UBE2G1: variants seen among roughly 807,000 people sequenced by gnomAD.
The protein encoded by UBE2G1 is ubiquitin conjugating enzyme E2 G1, also known as ubiquitin-conjugating enzyme E2 G1.
A neutral mutation model predicts 22.7 loss-of-function variants in UBE2G1; 5 were observed. The observed-to-expected ratio is 0.22, with a 90% CI of 0.12 to 0.46. The LOEUF is 0.46. Among genes scored for constraint, UBE2G1 ranks in the 20% least tolerant of loss-of-function variants. The pLI is 0.99. For missense variants in UBE2G1, 88 were observed against 203.9 expected (o/e 0.43, Z 3.46); for synonymous variants, 74 against 67.5 (o/e 1.10, Z -0.47).
intron 1 of UBE2G1, among the ~76,000 whole-genome samples, chr17:4,317,211 G>A (rs113805949): frequency 0.038 from 5,832 of 152,164 alleles, 414 homozygotes; most frequent in African/African-American, 0.13. Flanking sequence ...TTAGCCAGGC[G>A]TGGTAGCGGG....
chr17:4,312,388 TAAC>T (rs1969319959), intron 1 of UBE2G1, among the ~76,000 whole-genome samples: 1 of 151,688 alleles, frequency 6.6e-6, no homozygotes, highest in Non-Finnish European at 1.5e-5. Flanking sequence ...TAGAAAATAT[TAAC>T]AACTGAGAAA....
intron 2 of UBE2G1, among the ~76,000 whole-genome samples, chr17:4,299,002 C>A (rs1309126149): frequency 6.6e-6 from 1 of 151,952 alleles, no homozygotes; most frequent in Non-Finnish European, 1.5e-5. Flanking sequence ...TAAGTTAGTG[C>A]CAAAATGGGT....
At chr17:4,334,191 T>C (rs1969617443) in intron 1 of UBE2G1, among the ~76,000 whole-genome samples, 1 of 151,604 alleles carries the variant, frequency 6.6e-6, no homozygotes, top group East Asian at 1.9e-4. Context: ...CCTTCTAAAG[T>C]GCTGGGATTA....
chr17:4,337,956 G>C (rs1228112764), intron 1 of UBE2G1, among the ~76,000 whole-genome samples: 1 of 151,988 alleles, frequency 6.6e-6, no homozygotes, highest in African/African-American at 2.4e-5. Flanking sequence ...GGATCACGAG[G>C]TCAGGAGATC....
At chr17:4,353,486 T>C (rs1013919055) in intron 1 of UBE2G1, among the ~76,000 whole-genome samples, 97 of 146,424 alleles carry the variant, frequency 6.6e-4, no homozygotes, top group Non-Finnish European at 1.1e-3. Context: ...CACACACACA[T>C]ATAATGTCAC....
intron 1 of UBE2G1, among the ~76,000 whole-genome samples, chr17:4,325,398 ACT>A (rs1422477677): frequency 2.0e-5 from 3 of 152,176 alleles, no homozygotes; most frequent in Non-Finnish European, 4.4e-5. Flanking sequence ...TTTTTAAATA[ACT>A]CTTAAAATTG....
intron 1 of UBE2G1, among the ~76,000 whole-genome samples, chr17:4,359,900 T>C (rs1165182174): frequency 1.3e-5 from 2 of 151,878 alleles, no homozygotes; most frequent in African/African-American, 4.8e-5. Context: ...TAACTCAAAT[T>C]AGCCCAATAC....
chr17:4,361,409 C>A (rs145396505), intron 1 of UBE2G1, among the ~76,000 whole-genome samples: 309 of 152,080 alleles, frequency 2.0e-3, no homozygotes, highest in African/African-American at 7.0e-3. Context: ...CACCTGTAAG[C>A]CCAGCTACTA....
chr17:4,312,499 A>G (rs1171081446), intron 1 of UBE2G1, among the ~76,000 whole-genome samples: 1 of 152,082 alleles, frequency 6.6e-6, no homozygotes, highest in Non-Finnish European at 1.5e-5. Context: ...GATCGAGACC[A>G]TCCTGGCTAA....
At chr17:4,349,660 G>C (rs1189158543) in intron 1 of UBE2G1, among the ~76,000 whole-genome samples, 2 of 151,884 alleles carry the variant, frequency 1.3e-5, no homozygotes. Flanking sequence ...TGGCTAACAC[G>C]GTGAAACCCC....
chr17:4,302,730 C>CT, intron 2 of UBE2G1: 2 of 214,370 alleles, frequency 9.3e-6, no homozygotes, highest in South Asian at 1.5e-4. Flanking sequence ...TGAGAATGGG[C>CT]TTTTGCACAT....
intron 4 of UBE2G1, among the ~76,000 whole-genome samples, chr17:4,287,545 A>C (rs1204121027): frequency 6.6e-6 from 1 of 152,200 alleles, no homozygotes; most frequent in Non-Finnish European, 1.5e-5. Context: ...CATTGTTTAG[A>C]CTAATACTTG....
intron 1 of UBE2G1, among the ~76,000 whole-genome samples, chr17:4,347,384 C>T (rs1242295917): frequency 1.3e-5 from 2 of 151,274 alleles, no homozygotes. Context: ...GTTCATCAAG[C>T]AAGTCTATCA....
chr17:4,325,408 T>C (rs1229801545), intron 1 of UBE2G1, among the ~76,000 whole-genome samples: 2 of 152,228 alleles, frequency 1.3e-5, no homozygotes, highest in African/African-American at 4.8e-5. Flanking sequence ...ACTCTTAAAA[T>C]TGTACATATT....
At chr17:4,277,086 C>G (rs973236473) in intron 5 of UBE2G1, among the ~76,000 whole-genome samples, 2 of 152,222 alleles carry the variant, frequency 1.3e-5, no homozygotes. Flanking sequence ...ACACCTGGCT[C>G]ACCCTCTCTC....
chr17:4,302,098 T>C (rs1249953001), intron 2 of UBE2G1: 8 of 524,436 alleles, frequency 1.5e-5, no homozygotes, highest in Middle Eastern at 3.3e-4. Flanking sequence ...TCCTTACCCC[T>C]GTGGCTCATA....
At chr17:4,331,357 A>G (rs1215496279) in intron 1 of UBE2G1, among the ~76,000 whole-genome samples, 1 of 152,258 alleles carries the variant, frequency 6.6e-6, no homozygotes, top group Non-Finnish European at 1.5e-5. Context: ...TTGAAAACCC[A>G]GAAGTCAAGA....
At chr17:4,350,306 C>A (rs1414204043) in intron 1 of UBE2G1, among the ~76,000 whole-genome samples, 1 of 151,878 alleles carries the variant, frequency 6.6e-6, no homozygotes, top group Non-Finnish European at 1.5e-5. Flanking sequence ...ACCAAAAATA[C>A]AAAAATTAGC....
intron 1 of UBE2G1, among the ~76,000 whole-genome samples, chr17:4,334,963 T>C (rs1969627385): frequency 6.6e-6 from 1 of 152,036 alleles, no homozygotes; most frequent in South Asian, 2.1e-4. Context: ...CCCCATCATA[T>C]ATAGGAAGTA....
Sources: allele counts gnomAD v4.1 joint callset (sites outside exome capture counted in the v4.1 genomes callset), GRCh38; gene constraint gnomAD v4.1.1; transcripts MANE v1.5; gene names NCBI Gene and HGNC (gene_info 2026-07-23, HGNC 2026-07-21).